Variants in STAU2 observed in about 807,000 individuals in gnomAD.
STAU2 encodes the protein double-stranded RNA-binding protein Staufen homolog 2.
Under a neutral mutation model 65.9 loss-of-function variants are expected in STAU2, and 20 were observed. The ratio of observed to expected loss-of-function variants is 0.30; its 90% CI spans 0.21 to 0.44. The LOEUF (loss-of-function observed/expected upper bound fraction) is 0.44, where lower values mean the gene tolerates loss of function less well. Ranked by LOEUF, STAU2 falls within the 20% of genes least tolerant of loss-of-function variation. The pLI is 1.00. For synonymous variants in STAU2, 232 were observed against 233.9 expected, an observed-to-expected ratio of 0.99 and a Z score of 0.07; for missense variants, 558 against 683.9, an observed-to-expected ratio of 0.82 and a Z score of 2.05.
chr8:73,725,220 G>T (rs1554571905), intron 3 of STAU2, among the ~76,000 whole-genome samples: 1 of 151,916 alleles, frequency 6.6e-6, no homozygotes, highest in Non-Finnish European at 1.5e-5. Flanking sequence ...CCTTTTATTT[G>T]TTCCTTTCTT....
chr8:73,695,307 G>A (rs1251550304), intron 4 of STAU2, among the ~76,000 whole-genome samples: 1 of 152,200 alleles, frequency 6.6e-6, no homozygotes, highest in Non-Finnish European at 1.5e-5. Flanking sequence ...GCAGAGCCGT[G>A]AGGCCCCCAT....
At chr8:73,437,212 C>T (rs1466776124) in intron 13 of STAU2, among the ~76,000 whole-genome samples, 2 of 152,270 alleles carry the variant, frequency 1.3e-5, no homozygotes, top group South Asian at 2.1e-4. Context: ...TGTTACTTTA[C>T]CTGGCAAGGC....
chr8:73,530,753 A>G (rs1805757304), intron 13 of STAU2, among the ~76,000 whole-genome samples: 1 of 152,152 alleles, frequency 6.6e-6, no homozygotes, highest in Admixed American at 6.5e-5. Context: ...ACAAAAAGAT[A>G]AAGGAAGATA....
intron 13 of STAU2, among the ~76,000 whole-genome samples, chr8:73,514,371 C>A (rs1386721074): frequency 6.6e-6 from 1 of 152,174 alleles, no homozygotes; most frequent in Non-Finnish European, 1.5e-5. Context: ...ATCCCTTGTT[C>A]CTGAATGAAG....
chr8:73,588,876 A>C (rs1810567876), intron 11 of STAU2, among the ~76,000 whole-genome samples: 1 of 152,180 alleles, frequency 6.6e-6, no homozygotes, highest in Non-Finnish European at 1.5e-5. Flanking sequence ...AAACAGAAAG[A>C]TCCACCTCTG....
At chr8:73,505,842 A>G (rs965875341) in intron 13 of STAU2, among the ~76,000 whole-genome samples, 1 of 152,046 alleles carries the variant, frequency 6.6e-6, no homozygotes, top group Non-Finnish European at 1.5e-5. Flanking sequence ...AGATCGTGGG[A>G]GCAGATACCT....
At chr8:73,640,949 A>G (rs772935495) in intron 6 of STAU2, among the ~76,000 whole-genome samples, 5 of 152,212 alleles carry the variant, frequency 3.3e-5, no homozygotes, top group Non-Finnish European at 2.9e-5. Flanking sequence ...TTTCAAAGCC[A>G]CAAAAAAGAA....
chr8:73,717,897 G>A (rs958108962), intron 3 of STAU2, among the ~76,000 whole-genome samples: 2 of 152,108 alleles, frequency 1.3e-5, no homozygotes, highest in African/African-American at 4.8e-5. Context: ...GAATCACCCT[G>A]TGCAGTTCTA....
At chr8:73,426,902 C>G (rs1816862645) in intron 13 of STAU2, among the ~76,000 whole-genome samples, 1 of 150,948 alleles carries the variant, frequency 6.6e-6, no homozygotes, top group African/African-American at 2.4e-5. Flanking sequence ...ATTTCTGAGC[C>G]AAAGATGATG....
At chr8:73,698,935 A>G (rs113274587) in intron 4 of STAU2, among the ~76,000 whole-genome samples, 169 of 144,390 alleles carry the variant, frequency 1.2e-3, no homozygotes, top group African/African-American at 3.0e-3. Flanking sequence ...AAAAAAAAAA[A>G]AGAGAGAGAG....
At chr8:73,654,088 CAT>C (rs1775559714) in intron 6 of STAU2, among the ~76,000 whole-genome samples, 1 of 152,030 alleles carries the variant, frequency 6.6e-6, no homozygotes, top group Admixed American at 6.6e-5. Flanking sequence ...CTTAAAATTT[CAT>C]AGTTTATTTT....
chr8:73,521,759 A>C (rs915505246), intron 13 of STAU2, among the ~76,000 whole-genome samples: 1 of 152,204 alleles, frequency 6.6e-6, no homozygotes, highest in Non-Finnish European at 1.5e-5. Context: ...AAGCTAAACT[A>C]AACTATGATA....
chr8:73,728,857 T>A lies in STAU2; in HGVS notation c.-18+9427A>T, dbSNP rs143934926. Reference sequence around the variant, plus strand: ...GGGATTTTCTATATATAGGACCATGTCATCTGCAAACAGAGACAGTTTTAT... The same window carrying A: ...GGGATTTTCTATATATAGGACCATGACATCTGCAAACAGAGACAGTTTTAT... On this transcript the variant is annotated intron_variant, in intron 3 of 14. Transcript: ENST00000524300. Among the ~76,000 whole-genome samples the A allele has an allele frequency of 3.4e-4, 52 of 152,316 alleles. No individual in the cohort carries two copies. In the East Asian group the frequency reaches 9.8e-3, roughly 29 times the overall value.
intron 13 of STAU2, among the ~76,000 whole-genome samples, chr8:73,512,956 C>G (rs1461079262): frequency 6.6e-6 from 1 of 152,104 alleles, no homozygotes; most frequent in Non-Finnish European, 1.5e-5. Context: ...TTCTTTAATT[C>G]CTTGAACATA....
At chr8:73,677,476 G>A (rs1818103615) in intron 5 of STAU2, among the ~76,000 whole-genome samples, 1 of 152,118 alleles carries the variant, frequency 6.6e-6, no homozygotes, top group Non-Finnish European at 1.5e-5. Context: ...TGTAAATTAT[G>A]TATACTTATG....
intron 13 of STAU2, among the ~76,000 whole-genome samples, chr8:73,423,971 C>G (rs1816593271): frequency 6.6e-6 from 1 of 152,044 alleles, no homozygotes; most frequent in African/African-American, 2.4e-5. Context: ...TCAACAAATG[C>G]CTAATGGCAT....
intron 14 of STAU2, 49 bp downstream of exon 14, chr8:73,422,565 G>A: frequency 7.3e-7 from 1 of 1,363,878 alleles, no homozygotes; most frequent in South Asian, 1.4e-5. Context: ...CTTATCTTTT[G>A]TACAGTTACA....
At chr8:73,462,252 G>A (rs10092929) in intron 13 of STAU2, among the ~76,000 whole-genome samples, 61,899 of 150,900 alleles carry the variant, frequency 0.41, 13,006 homozygotes, top group Non-Finnish European at 0.46. Context: ...GCTAATTTTT[G>A]TATTTTTTTT....
intron 13 of STAU2, among the ~76,000 whole-genome samples, chr8:73,449,962 G>A (rs1361798040): frequency 6.6e-6 from 1 of 152,202 alleles, no homozygotes; most frequent in Non-Finnish European, 1.5e-5. Flanking sequence ...AGGGCTACAG[G>A]GAGGGCCAGA....
Sources: allele counts gnomAD v4.1 joint callset (sites outside exome capture counted in the v4.1 genomes callset), GRCh38; gene constraint gnomAD v4.1.1; transcripts MANE v1.5; gene names NCBI Gene and HGNC (gene_info 2026-07-23, HGNC 2026-07-21).